The following WWOX variants were observed in gnomAD, a reference collection of about 807,000 sequenced individuals.
The protein encoded by WWOX is WW domain-containing oxidoreductase.
WWOX carries 69 observed loss-of-function variants against 46.2 expected under a neutral mutation model. The ratio of observed to expected loss-of-function variants is 1.49; its 90% CI spans 1.23 to 1.82. The LOEUF (loss-of-function observed/expected upper bound fraction) is 1.82. WWOX is among the 40% of genes most tolerant of loss of function. The probability of loss-of-function intolerance (pLI) is 0.00; values close to 1 mark genes in which losing one functional copy is unlikely to be tolerated. For synonymous variants in WWOX, 359 were observed against 202.6 expected, an observed-to-expected ratio of 1.77 and a Z score of -6.56; for missense variants, 919 against 542.6, an observed-to-expected ratio of 1.69 and a Z score of -6.89.
At chr16:79,011,550 G>C (rs1157947339) in intron 8 of WWOX, among the ~76,000 whole-genome samples, 1 of 151,054 alleles carries the variant, frequency 6.6e-6, no homozygotes, top group Non-Finnish European at 1.5e-5. Flanking sequence ...GGAGTGCAGT[G>C]ACATGGTGAT....
chr16:78,605,754 G>T (rs531795068), intron 8 of WWOX, among the ~76,000 whole-genome samples: 4 of 152,158 alleles, frequency 2.6e-5, no homozygotes, highest in African/African-American at 9.7e-5. Context: ...GCCCTTCATG[G>T]AAAGGATAGG....
At chr16:78,637,530 C>T (rs1470256942) in intron 8 of WWOX, among the ~76,000 whole-genome samples, 1 of 152,120 alleles carries the variant, frequency 6.6e-6, no homozygotes, top group Non-Finnish European at 1.5e-5. Context: ...TGTAACTCAT[C>T]AGTGGTCCAC....
At chr16:78,945,736 C>T (rs930662665) in intron 8 of WWOX, among the ~76,000 whole-genome samples, 1 of 151,944 alleles carries the variant, frequency 6.6e-6, no homozygotes, top group Non-Finnish European at 1.5e-5. Flanking sequence ...CATTTCTTTC[C>T]AGGTTCCTGC....
In WWOX at chr16:78,913,226, C is replaced by T. The variant is rs377028972; in HGVS notation, c.1057-298382C>T. On this transcript the variant is annotated intron_variant, in intron 8 of 8. Transcript: ENST00000566780. ...CAGGGAGTGGGCTTGAGATAATTCT[C>T]GTTACAAGTTTGCCTAGTGCTTCAC... Among the ~76,000 whole-genome samples, 45 of 152,038 alleles carry T rather than the reference C, an allele frequency of 3.0e-4. 5 individuals are homozygous for T. Among genetic ancestry groups the T allele is most frequent in the Admixed American group, 1.8e-3 (28 of 15,264 alleles).
At chr16:78,414,667 T>C (rs771553290) in intron 6 of WWOX, among the ~76,000 whole-genome samples, 5 of 152,200 alleles carry the variant, frequency 3.3e-5, no homozygotes, top group Non-Finnish European at 7.3e-5. Context: ...ATTGAGAAAG[T>C]TGCAAATCTT....
chr16:78,520,621 T>G (rs536726757), intron 8 of WWOX, among the ~76,000 whole-genome samples: 1 of 146,928 alleles, frequency 6.8e-6, no homozygotes, highest in South Asian at 2.3e-4. Flanking sequence ...AGACTGGGAG[T>G]GGGGTGGGGT....
rs545068793 is a variant in WWOX, at chr16:78,823,057, C to A, written c.1057-388551C>A. 7.2e-5 allele frequency among the ~76,000 whole-genome samples: 11 copies of A among 152,306 alleles called. No homozygotes were observed. In the East Asian group the frequency reaches 1.7e-3, roughly 24 times the overall value. On this transcript the variant is annotated intron_variant, in intron 8 of 8. Coordinates refer to ENST00000566780, the MANE Select transcript of WWOX (RefSeq NM_016373.4). ...GAAAACAGGGAAAGGCCTTTTATTGCATGCTTTGAAGTTTGAATACACTTT... is the reference window on the plus strand; with the variant it reads ...GAAAACAGGGAAAGGCCTTTTATTGAATGCTTTGAAGTTTGAATACACTTT...
At chr16:78,337,158 T>G (rs147382079) in intron 5 of WWOX, among the ~76,000 whole-genome samples, 9 of 152,274 alleles carry the variant, frequency 5.9e-5, no homozygotes, top group African/African-American at 2.2e-4. Context: ...AACATGTTTG[T>G]GGTAGGTAGC....
chr16:78,308,240 T>C (rs1053865118), intron 5 of WWOX, among the ~76,000 whole-genome samples: 4 of 152,172 alleles, frequency 2.6e-5, no homozygotes, highest in Admixed American at 1.3e-4. Context: ...TGCCCCTTGC[T>C]AGGTGAGTGT....
intron 8 of WWOX, among the ~76,000 whole-genome samples, chr16:79,038,794 C>G (rs1449536016): frequency 6.6e-6 from 1 of 152,170 alleles, no homozygotes; most frequent in African/African-American, 2.4e-5. Context: ...AGGTGACCCA[C>G]CTGCCTCAGC....
intron 5 of WWOX, among the ~76,000 whole-genome samples, chr16:78,191,844 G>C (rs2035893319): frequency 6.6e-6 from 1 of 152,180 alleles, no homozygotes; most frequent in Non-Finnish European, 1.5e-5. Context: ...TTGATCATAG[G>C]AGTAACTTTC....
intron 5 of WWOX, among the ~76,000 whole-genome samples, chr16:78,260,955 A>G (rs1007015481): frequency 6.6e-6 from 1 of 150,850 alleles, no homozygotes; most frequent in Admixed American, 6.6e-5. Flanking sequence ...AAAAAAAAAA[A>G]AGTTATTGAT....
intron 5 of WWOX, among the ~76,000 whole-genome samples, chr16:78,349,882 T>A (rs755670198): frequency 8.3e-6 from 1 of 121,172 alleles, no homozygotes; most frequent in Non-Finnish European, 2.0e-5. Flanking sequence ...TGACTCAGTC[T>A]CATTCCCCAG....
intron 8 of WWOX, among the ~76,000 whole-genome samples, chr16:78,927,257 G>A (rs963933081): frequency 1.3e-5 from 2 of 152,150 alleles, no homozygotes; most frequent in African/African-American, 2.4e-5. Flanking sequence ...CATTTAGTCC[G>A]AGCTTCAGGG....
chr16:79,068,675 G>T (rs1220874863), intron 8 of WWOX, among the ~76,000 whole-genome samples: 1 of 151,790 alleles, frequency 6.6e-6, no homozygotes, highest in East Asian at 1.9e-4. Flanking sequence ...GCCAGGCGTG[G>T]GGGTGCATGC....
intron 8 of WWOX, among the ~76,000 whole-genome samples, chr16:79,059,174 T>C (rs2048317055): frequency 6.6e-6 from 1 of 152,250 alleles, no homozygotes; most frequent in South Asian, 2.1e-4. Context: ...ACAATAATTG[T>C]GTTTGCAAGA....
At chr16:78,390,826 C>A (rs1475880153) in intron 6 of WWOX, among the ~76,000 whole-genome samples, 3 of 152,180 alleles carry the variant, frequency 2.0e-5, no homozygotes. Context: ...GCTGCCAGTT[C>A]AGAACCAATC....
At chr16:78,900,829 T>A (rs1216374642) in intron 8 of WWOX, among the ~76,000 whole-genome samples, 1 of 143,250 alleles carries the variant, frequency 7.0e-6, no homozygotes, top group Non-Finnish European at 1.5e-5. Context: ...ATTGTACTTT[T>A]AATCAGAGCC....
intron 8 of WWOX, among the ~76,000 whole-genome samples, chr16:78,698,440 G>A (rs116461820): frequency 0.011 from 1,741 of 152,234 alleles, 27 homozygotes; most frequent in African/African-American, 0.04. Flanking sequence ...TTAAATCCTA[G>A]CTCCTTTTTA....
Sources: allele counts gnomAD v4.1 joint callset (sites outside exome capture counted in the v4.1 genomes callset), GRCh38; gene constraint gnomAD v4.1.1; transcripts MANE v1.5; gene names NCBI Gene and HGNC (gene_info 2026-07-23, HGNC 2026-07-21).